The following TMTC4 variants were observed in gnomAD, a reference collection of about 807,000 sequenced individuals.
TMTC4 encodes the protein transmembrane O-mannosyltransferase targeting cadherins 4.
In TMTC4, 65 loss-of-function variants were observed where a neutral mutation model predicts 86.0. That is an observed-to-expected ratio of 0.76 (90% CI 0.62 to 0.93). The LOEUF is 0.93. TMTC4 is among the 40% of genes least tolerant of loss of function. The pLI is 0.00. For synonymous variants in TMTC4, 379 were observed against 382.5 expected (o/e 0.99, Z 0.11); for missense variants, 866 against 948.1 (o/e 0.91, Z 1.14).
chr13:100,644,877 C>T (rs899165477), intron 6 of TMTC4, among the ~76,000 whole-genome samples: 1 of 151,670 alleles, frequency 6.6e-6, no homozygotes, highest in African/African-American at 2.4e-5. Context: ...TGCAATGGTG[C>T]GATCTCGGCT....
intron 1 of TMTC4, among the ~76,000 whole-genome samples, chr13:100,673,684 G>A (rs948203147): frequency 6.6e-6 from 1 of 152,208 alleles, no homozygotes; most frequent in Non-Finnish European, 1.5e-5. Flanking sequence ...AGTAGCGCAC[G>A]AGGGCCATGG....
Position 100,627,083 on chromosome 13 carries a change from T to C in TMTC4, c.1507-933A>G, listed in dbSNP as rs1392690579. On this transcript the variant is annotated intron_variant, in intron 12 of 18. Coordinates refer to ENST00000342624, the MANE Select transcript of TMTC4 (RefSeq NM_032813.5). ...ACCCAACCTGCCTGCACCTTGATGG[T>C]GGGCTTTCCAGCCTCTGGCACTGTG... 2.0e-4 allele frequency among the ~76,000 whole-genome samples: 30 copies of C among 152,188 alleles called. 1 individual carries two copies. The highest frequency in any genetic ancestry group is 2.0e-3 in the Admixed American group (30 of 15,292).
intron 6 of TMTC4, among the ~76,000 whole-genome samples, chr13:100,647,402 G>C (rs1211848569): frequency 6.6e-6 from 1 of 151,998 alleles, no homozygotes; most frequent in Non-Finnish European, 1.5e-5. Flanking sequence ...GAAACCAAAT[G>C]GACACCCTCC....
intron 10 of TMTC4, 79 bp downstream of exon 10, chr13:100,636,453 A>G: frequency 1.3e-6 from 2 of 1,518,028 alleles, no homozygotes; most frequent in South Asian, 1.1e-5. Context: ...ACAAAATCAT[A>G]AAAATGATCA....
chr13:100,658,293 G>A (rs1219203369), intron 5 of TMTC4, among the ~76,000 whole-genome samples: 1 of 152,130 alleles, frequency 6.6e-6, no homozygotes, highest in Non-Finnish European at 1.5e-5. Flanking sequence ...AAGGACAGAG[G>A]ACGCAGAAGC....
At chr13:100,664,508 A>T (rs992852833) in intron 3 of TMTC4, among the ~76,000 whole-genome samples, 172 bp from the exon 4 acceptor site, 3 of 152,128 alleles carry the variant, frequency 2.0e-5, no homozygotes, top group Admixed American at 2.0e-4. Flanking sequence ...ACCAGGCTTC[A>T]AACACCGATC....
intron 15 of TMTC4, chr13:100,623,762 A>C: frequency 4.4e-6 from 1 of 225,344 alleles, no homozygotes; most frequent in South Asian, 6.1e-5. Context: ...CGCTCAATGC[A>C]CCAGCTGATG....
In TMTC4 at chr13:100,670,486, G is replaced by T; in HGVS notation, c.-124C>A. The T allele has an allele frequency of 1.0e-6, 1 of 989,424 alleles. No individual in the cohort carries two copies. 61.3% of individuals were successfully genotyped at this position (989,424 alleles called of 1,614,324 possible). ...AGCCTCACAGCCTGGCATACGGCATGCTCTCAGCAAGTGCTGGGGGAATAC... is the reference window on the plus strand; with the variant it reads ...AGCCTCACAGCCTGGCATACGGCATTCTCTCAGCAAGTGCTGGGGGAATAC... On this transcript the variant is annotated 5_prime_UTR_variant, in exon 2 of 19. Coordinates refer to ENST00000342624, the MANE Select transcript of TMTC4 (RefSeq NM_032813.5).
chr13:100,619,586 T>G (rs1879173555), intron 15 of TMTC4, among the ~76,000 whole-genome samples: 1 of 152,134 alleles, frequency 6.6e-6, no homozygotes, highest in Non-Finnish European at 1.5e-5. Flanking sequence ...ACACAGCAAA[T>G]AGATAGCATA....
At chr13:100,659,226 T>C (rs1209045591) in intron 5 of TMTC4, among the ~76,000 whole-genome samples, 1 of 152,170 alleles carries the variant, frequency 6.6e-6, no homozygotes, top group Admixed American at 6.5e-5. Flanking sequence ...TGGGTTAACG[T>C]CTGGGTTCAT....
At chr13:100,625,495 C>T in intron 15 of TMTC4, 40 bp downstream of exon 15, 1 of 1,608,816 alleles carries the variant, frequency 6.2e-7, no homozygotes, top group Non-Finnish European at 8.5e-7. Context: ...GAAAAATAAC[C>T]CATCTTTCCT....
At chr13:100,657,799 G>A (rs901974991) in intron 5 of TMTC4, among the ~76,000 whole-genome samples, 4 of 152,206 alleles carry the variant, frequency 2.6e-5, no homozygotes, top group Non-Finnish European at 4.4e-5. Context: ...TCAAGTTCAT[G>A]TGCAGTCAAT....
chr13:100,607,724 G>A (rs1044065251), intron 17 of TMTC4, among the ~76,000 whole-genome samples: 1 of 152,126 alleles, frequency 6.6e-6, no homozygotes, highest in Non-Finnish European at 1.5e-5. Context: ...AATTGGCTGA[G>A]AATGTGGGGG....
rs1404884077 is a variant in TMTC4, at chr13:100,620,818, G to C, written c.1836+4717C>G. Among the ~76,000 whole-genome samples, 5 of 152,058 alleles carry C rather than the reference G, an allele frequency of 3.3e-5. No individual in the cohort carries two copies. The East Asian group carries it at 9.6e-4, about 29-fold the overall frequency. The stretch of plus-strand genomic sequence containing the variant: ...AATCGCTGTCTCCTGTTACTAGAGA[G>C]TGATTTCTTAAAACAAACAAACAAA... On this transcript the variant is annotated intron_variant, in intron 15 of 18. Coordinates refer to ENST00000342624, the MANE Select transcript of TMTC4 (RefSeq NM_032813.5).
chr13:100,636,484 C>T, intron 10 of TMTC4, 48 bp downstream of exon 10: 1 of 1,607,664 alleles, frequency 6.2e-7, no homozygotes, highest in South Asian at 1.1e-5. Flanking sequence ...TCACAAAACG[C>T]TTCTGACTCA....
Position 100,619,698 on chromosome 13 carries a change from G to C in TMTC4, c.1837-5268C>G, listed in dbSNP as rs115195074. 3.8e-3 allele frequency among the ~76,000 whole-genome samples: 581 copies of C among 152,290 alleles called. 4 individuals carry two copies. The highest frequency in any genetic ancestry group is 0.013 in the African/African-American group (558 of 41,548). Reference sequence around the variant, plus strand: ...TTTCTCATGAGACTCAGAAACTCAAGTTACAATATTTTTACCCTTTAATGA... The same window carrying C: ...TTTCTCATGAGACTCAGAAACTCAACTTACAATATTTTTACCCTTTAATGA... On this transcript the variant is annotated intron_variant, in intron 15 of 18. Transcript: ENST00000342624.
chr13:100,665,516 C>T (rs575416373), intron 3 of TMTC4, among the ~76,000 whole-genome samples: 2 of 152,350 alleles, frequency 1.3e-5, no homozygotes, highest in African/African-American at 2.4e-5. Context: ...ACAAATCATG[C>T]GCCGGGCACC....
chr13:100,665,378 C>G (rs1276070200), intron 3 of TMTC4, among the ~76,000 whole-genome samples: 1 of 152,236 alleles, frequency 6.6e-6, no homozygotes, highest in African/African-American at 2.4e-5. Context: ...CATCAAGATT[C>G]TTCATCGCAG....
chr13:100,621,938 A>G (rs1879563615), intron 15 of TMTC4, among the ~76,000 whole-genome samples: 1 of 151,974 alleles, frequency 6.6e-6, no homozygotes, highest in Non-Finnish European at 1.5e-5. Context: ...TTTGTATGTG[A>G]TTGAATTTTG....
Sources: gnomAD v4.1 joint callset for allele counts (sites outside exome capture counted in the v4.1 genomes callset) on GRCh38, gnomAD v4.1.1 for gene constraint, MANE v1.5 for transcripts, NCBI Gene and HGNC (gene_info 2026-07-23, HGNC 2026-07-21) for gene names.